Variants in CHID1 observed in about 807,000 individuals in gnomAD.
CHID1 encodes the protein chitinase domain-containing protein 1.
A neutral mutation model predicts 55.4 loss-of-function variants in CHID1; 44 were observed. The observed-to-expected ratio is 0.79, with a 90% confidence interval of 0.62 to 1.02. The LOEUF (loss-of-function observed/expected upper bound fraction) is 1.02, where lower values mean the gene tolerates loss of function less well. Among genes scored for constraint, CHID1 ranks in the 50% least tolerant of loss-of-function variants. The pLI is 0.00. For missense variants in CHID1, 491 were observed against 515.3 expected, an observed-to-expected ratio of 0.95 and a Z score of 0.46; for synonymous variants, 216 against 212.9, an observed-to-expected ratio of 1.01 and a Z score of -0.13.
intron 4 of CHID1, 48 bp from the exon 5 acceptor site, chr11:901,028 G>T (rs1328581262): frequency 1.3e-6 from 2 of 1,536,562 alleles, no homozygotes; most frequent in South Asian, 1.2e-5. Flanking sequence ...GCGCCCAACT[G>T]GAAGACCCAG....
chr11:886,892 T>G (rs1425954376), intron 8 of CHID1, among the ~76,000 whole-genome samples: 1 of 152,234 alleles, frequency 6.6e-6, no homozygotes, highest in Non-Finnish European at 1.5e-5. Flanking sequence ...GGCTTTCATT[T>G]GTGGTTCTCT....
At chr11:913,262 T>A (rs1465291680), upstream of CHID1, among the ~76,000 whole-genome samples, 1 of 152,036 alleles carries the variant, frequency 6.6e-6, no homozygotes, top group African/African-American at 2.4e-5. Context: ...GCAAACCTCC[T>A]GCGTCAGCCT....
At chr11:877,638 C>T (rs1849603147) in intron 10 of CHID1, among the ~76,000 whole-genome samples, 1 of 152,206 alleles carries the variant, frequency 6.6e-6, no homozygotes, top group South Asian at 2.1e-4. Flanking sequence ...CTGAGCTGTT[C>T]CCCTAAAATC....
chr11:912,693 A>C (rs1008062664), upstream of CHID1, among the ~76,000 whole-genome samples: 1 of 151,818 alleles, frequency 6.6e-6, no homozygotes, highest in African/African-American at 2.4e-5. Context: ...AAATACGAAA[A>C]ATTAGCCGGG....
chr11:904,587 T>G, intron 2 of CHID1, 119 bp downstream of exon 2: 1 of 1,205,680 alleles, frequency 8.3e-7, no homozygotes, highest in Non-Finnish European at 1.2e-6. Flanking sequence ...TCAGGTGCCT[T>G]TGTGAGGAGC....
upstream of CHID1, among the ~76,000 whole-genome samples, chr11:911,817 G>T (rs1704936303): frequency 1.3e-5 from 2 of 152,162 alleles, no homozygotes; most frequent in African/African-American, 4.8e-5. Flanking sequence ...CTCAGCAAAC[G>T]GCCTGGATGG....
At chr11:889,266 C>T (rs571670740) in intron 8 of CHID1, among the ~76,000 whole-genome samples, 5 of 152,314 alleles carry the variant, frequency 3.3e-5, no homozygotes, top group Admixed American at 1.3e-4. Context: ...CACGTTCTAC[C>T]TGCGAACTCC....
At chr11:910,901 G>A, upstream of CHID1, 1 of 984,528 alleles carries the variant, frequency 1.0e-6, no homozygotes, top group Non-Finnish European at 1.2e-6. Context: ...AGAGGGGCTG[G>A]GCCAGGACAG....
chr11:903,048 T>C lies in CHID1; in HGVS notation c.175A>G (p.Ser59Gly), dbSNP rs547880950. The C allele has an allele frequency of 1.1e-5, 17 of 1,613,732 alleles. No homozygotes were observed. The African/African-American group carries it at 2.0e-4, about 19-fold the overall frequency. The part of the protein sequence containing the change: ...GLVVTDLKAE[S>G]VVLEHRSYCS... ...TAGCTGCGATGCTCAAGAACCACAC[T>C]CTCAGCTTTGAGGTCCGTCACCACC... Residue 59 changes from serine (S) to glycine (G), a missense_variant, in exon 3 of 13, where the codon AGT (serine) becomes GGT (glycine). Physicochemically the swap from Ser to Gly is moderately conservative, Grantham distance 56. Transcript: ENST00000323578.
rs548004214 is a variant in CHID1 at position 898,483 on chromosome 11, T to C, written c.608+857A>G. ...CACCATCCTCGCTCGTTGCAACCAG[T>C]GGAGTGAGAGGAGTCCACCTGTCCT... On this transcript the variant is annotated intron_variant, in intron 7 of 12. Coordinates refer to ENST00000323578, the MANE Select transcript of CHID1 (RefSeq NM_023947.4). 3.0e-4 allele frequency among the ~76,000 whole-genome samples: 46 copies of C among 152,304 alleles called. 1 individual carries two copies. The highest frequency in any genetic ancestry group is 1.1e-3 in the African/African-American group (44 of 41,588).
chr11:888,809 G>A (rs1212110864), intron 8 of CHID1, among the ~76,000 whole-genome samples: 6 of 151,782 alleles, frequency 4.0e-5, no homozygotes, highest in East Asian at 3.9e-4. Flanking sequence ...ACTCGGCCTC[G>A]ACTGGACCCC....
chr11:902,434 C>T lies in CHID1; in HGVS notation c.262-104G>A, dbSNP rs556098532. 60 of 1,325,004 alleles carry T rather than the reference C, an allele frequency of 4.5e-5. No individual in the cohort carries two copies. The African/African-American group carries it at 6.4e-4, about 14-fold the overall frequency. The allele number at this position is 1,325,004 out of a possible 1,614,324, so 82.1% of individuals were successfully genotyped here. ...TCTGGACGTGCCCAGGGCTGGCCAG[C>T]GTAGACAGATACCAGCCCGGACTGA... On this transcript the variant is annotated intron_variant, in intron 3 of 12. Transcript: ENST00000323578.
intron 1 of CHID1, among the ~76,000 whole-genome samples, chr11:905,116 A>G (rs1852114164): frequency 2.6e-5 from 4 of 152,170 alleles, no homozygotes. Context: ...ACCATCAGCC[A>G]CAGAACCCTC....
At chr11:910,901 G>T, upstream of CHID1, 1 of 984,526 alleles carries the variant, frequency 1.0e-6, no homozygotes, top group Non-Finnish European at 1.2e-6. Context: ...AGAGGGGCTG[G>T]GCCAGGACAG....
rs773727065 is a variant in CHID1, at chr11:883,271, C to T, written c.836G>A (p.Arg279Gln). Residue 279 changes from arginine to glutamine, a missense_variant, in exon 10 of 13, where the codon CGA (arginine) becomes CAA (glutamine). Arg to Gln is a conservative substitution (Grantham distance 43, BLOSUM62 1). Transcript: ENST00000323578. ...CGGGTCCAGGACCTGGACGCAGGCT[C>T]GAACCCAGGACAGGGGTGCATTAGG... ...PGPNAPLSWV[R>Q]ACVQVLDPKS... 1.1e-5 allele frequency: 18 copies of T among 1,613,952 alleles called. No homozygotes were observed. The highest frequency in any genetic ancestry group is 2.2e-5 in the South Asian group (2 of 91,084).
chr11:870,761 G>A, intron 10 of CHID1: 1 of 442,920 alleles, frequency 2.3e-6, no homozygotes, highest in African/African-American at 2.0e-5. Flanking sequence ...GTGGCCTGGA[G>A]AGTGACACGG....
At chr11:884,019 T>C (rs779795425) in intron 9 of CHID1, 49 bp downstream of exon 9, 2 of 1,411,494 alleles carry the variant, frequency 1.4e-6, no homozygotes, top group Non-Finnish European at 2.0e-6. Context: ...CACTCACTGC[T>C]GCACTGTGGA....
rs958413428 is a variant in CHID1 at position 904,590 on chromosome 11, T to G, written c.111+116A>C. The G allele has an allele frequency of 3.2e-6, 4 of 1,241,994 alleles. No homozygotes were observed. In the Admixed American group the frequency reaches 8.5e-5, roughly 26 times the overall value. The allele number at this position is 1,241,994 out of a possible 1,614,324, so 76.9% of individuals were successfully genotyped here. On this transcript the variant is annotated intron_variant, in intron 2 of 12. Coordinates refer to ENST00000323578, the MANE Select transcript of CHID1 (RefSeq NM_023947.4). The stretch of plus-strand genomic sequence containing the variant: ...GCTGCGGGCTCATCAGGTGCCTTTG[T>G]GAGGAGCCAAGCCCCTCGAGCCTCC...
intron 1 of CHID1, among the ~76,000 whole-genome samples, chr11:908,942 C>CT (rs1852434586): frequency 6.6e-6 from 1 of 152,230 alleles, no homozygotes; most frequent in Admixed American, 6.5e-5. Flanking sequence ...AGAGGGGACA[C>CT]TAGGAGAACC....
Sources: allele counts gnomAD v4.1 joint callset (sites outside exome capture counted in the v4.1 genomes callset), GRCh38; gene constraint gnomAD v4.1.1; transcripts MANE v1.5; gene names NCBI Gene and HGNC (gene_info 2026-07-23, HGNC 2026-07-21).